The following TAS2R1 variants were observed in gnomAD, a reference collection of about 807,000 sequenced individuals.
The protein encoded by TAS2R1 is taste receptor type 2 member 1.
For synonymous variants in TAS2R1, 141 were observed against 134.2 expected (o/e 1.05, Z -0.35); for missense variants, 370 against 353.4 (o/e 1.05, Z -0.38).
At chr5:9,645,867 A>T (rs1291005943) in intron 2 of TAS2R1, among the ~76,000 whole-genome samples, 1 of 152,164 alleles carries the variant, frequency 6.6e-6, no homozygotes, top group Non-Finnish European at 1.5e-5. Context: ...AGAATATGTC[A>T]GCCTCAGAAC....
chr5:9,807,483 A>G, the TAS2R1 span, among the ~76,000 whole-genome samples: 1 of 152,200 alleles, frequency 6.6e-6, no homozygotes, highest in Admixed American at 6.5e-5. Context: ...TGCAATTTCA[A>G]AAATATGGAA....
the TAS2R1 span, among the ~76,000 whole-genome samples, chr5:9,899,758 C>A: frequency 6.6e-6 from 1 of 151,798 alleles, no homozygotes; most frequent in Admixed American, 6.6e-5. Context: ...TGCTTTTTTT[C>A]TCCCTGCTTA....
At chr5:9,792,516 T>C in the TAS2R1 span, among the ~76,000 whole-genome samples, 1 of 152,170 alleles carries the variant, frequency 6.6e-6, no homozygotes, top group Non-Finnish European at 1.5e-5. Flanking sequence ...ACTTTTGAAG[T>C]GGAAAAATTA....
the TAS2R1 span, among the ~76,000 whole-genome samples, chr5:9,769,861 G>A: frequency 6.6e-6 from 1 of 151,790 alleles, no homozygotes; most frequent in Non-Finnish European, 1.5e-5. Flanking sequence ...CCATTCTATG[G>A]ATTATCTCTT....
the TAS2R1 span, among the ~76,000 whole-genome samples, chr5:9,844,137 C>T: frequency 6.6e-6 from 1 of 152,100 alleles, no homozygotes; most frequent in Non-Finnish European, 1.5e-5. Flanking sequence ...CAGGTTCTAC[C>T]CACACTCAAG....
At chr5:9,783,297 A>T in the TAS2R1 span, among the ~76,000 whole-genome samples, 1 of 152,222 alleles carries the variant, frequency 6.6e-6, no homozygotes, top group Non-Finnish European at 1.5e-5. Context: ...CTCCTTAGCT[A>T]TTAAGAAAGG....
At chr5:9,701,032 A>G (rs903421669) in intron 1 of TAS2R1, among the ~76,000 whole-genome samples, 1 of 151,190 alleles carries the variant, frequency 6.6e-6, no homozygotes, top group African/African-American at 2.5e-5. Flanking sequence ...TTGCAGCAAC[A>G]TTTCTCAAAA....
At chr5:9,843,729 C>G in the TAS2R1 span, among the ~76,000 whole-genome samples, 5 of 152,142 alleles carry the variant, frequency 3.3e-5, no homozygotes, top group Non-Finnish European at 5.9e-5. Context: ...TGGCTGGGTA[C>G]CAGAATATGA....
chr5:9,875,407 AAG>A, the TAS2R1 span, among the ~76,000 whole-genome samples: 1 of 152,320 alleles, frequency 6.6e-6, no homozygotes, highest in East Asian at 1.9e-4. Context: ...TAGAAAAAGA[AAG>A]AGTCTTGGAG....
the TAS2R1 span, among the ~76,000 whole-genome samples, chr5:9,768,082 G>T: frequency 6.6e-6 from 1 of 152,052 alleles, no homozygotes; most frequent in South Asian, 2.1e-4. Context: ...GCTGTCAGGA[G>T]CCTCCTTGTC....
At chr5:9,739,752 G>A in the TAS2R1 span, among the ~76,000 whole-genome samples, 1 of 152,098 alleles carries the variant, frequency 6.6e-6, no homozygotes, top group South Asian at 2.1e-4. Context: ...TTAAAGCCTG[G>A]TGGCAAAAGC....
At chr5:9,632,034 G>T (rs1055644073), upstream of TAS2R1, among the ~76,000 whole-genome samples, 5 of 152,176 alleles carry the variant, frequency 3.3e-5, no homozygotes, top group Non-Finnish European at 7.4e-5. Context: ...CAACTTAGAA[G>T]AAACATTCTG....
chr5:9,697,189 A>G (rs1403722042), intron 1 of TAS2R1, among the ~76,000 whole-genome samples: 23 of 152,108 alleles, frequency 1.5e-4, no homozygotes, highest in Admixed American at 1.5e-3. Context: ...AAAAAAAAAG[A>G]CAACCTCTTG....
At chr5:9,846,409 T>A in the TAS2R1 span, among the ~76,000 whole-genome samples, 2 of 152,236 alleles carry the variant, frequency 1.3e-5, no homozygotes, top group Non-Finnish European at 2.9e-5. Context: ...ATGTGTCCAG[T>A]GAGCCCCAGG....
At chr5:9,846,206 A>T in the TAS2R1 span, among the ~76,000 whole-genome samples, 1 of 152,260 alleles carries the variant, frequency 6.6e-6, no homozygotes, top group East Asian at 1.9e-4. Flanking sequence ...ACTTCAACAA[A>T]GAAGTAACAA....
chr5:9,743,977 T>C, the TAS2R1 span, among the ~76,000 whole-genome samples: 1 of 152,238 alleles, frequency 6.6e-6, no homozygotes, highest in African/African-American at 2.4e-5. Context: ...AATAACAATT[T>C]AAAGCCAAAT....
At chr5:9,805,810 G>A in the TAS2R1 span, among the ~76,000 whole-genome samples, 1 of 152,038 alleles carries the variant, frequency 6.6e-6, no homozygotes, top group Non-Finnish European at 1.5e-5. Flanking sequence ...GGGAAATGTT[G>A]AAAGAATTCC....
At chr5:9,852,850 A>T in the TAS2R1 span, among the ~76,000 whole-genome samples, 26 of 139,808 alleles carry the variant, frequency 1.9e-4, no homozygotes, top group Admixed American at 5.6e-4. Flanking sequence ...AGGAAAAAAA[A>T]AAATATATAT....
intron 1 of TAS2R1, among the ~76,000 whole-genome samples, chr5:9,683,106 C>T (rs942890019): frequency 9.9e-5 from 15 of 151,996 alleles, no homozygotes; most frequent in Non-Finnish European, 2.1e-4. Context: ...TTTTATATAC[C>T]ATTGAATACT....
Sources: allele counts gnomAD v4.1 joint callset (sites outside exome capture counted in the v4.1 genomes callset), GRCh38; gene constraint gnomAD v4.1.1; transcripts MANE v1.5; gene names NCBI Gene and HGNC (gene_info 2026-07-23, HGNC 2026-07-21).